HMCN1: variants seen among roughly 807,000 people sequenced by gnomAD.
The protein encoded by HMCN1 is hemicentin 1.
A neutral mutation model predicts 625.9 loss-of-function variants in HMCN1; 321 were observed. The observed-to-expected ratio is 0.51, with a 90% CI of 0.47 to 0.56. The LOEUF is 0.56. Ranked by LOEUF, HMCN1 falls within the 20% of genes least tolerant of loss-of-function variation. HMCN1 has a pLI of 0.00. For missense variants in HMCN1, 6,588 were observed against 6,887.3 expected (o/e 0.96, Z 1.54); for synonymous variants, 2,425 against 2,417.6 (o/e 1.00, Z -0.09).
intron 68 of HMCN1, among the ~76,000 whole-genome samples, chr1:186,102,728 T>G (rs1363655299): frequency 2.0e-5 from 3 of 152,122 alleles, no homozygotes; most frequent in Non-Finnish European, 4.4e-5. Context: ...GGCTGCCTTG[T>G]CAAATAGTAA....
At chr1:186,154,116 T>C in intron 97 of HMCN1, 129 bp downstream of exon 97, 1 of 772,262 alleles carries the variant, frequency 1.3e-6, no homozygotes, top group Non-Finnish European at 2.2e-6. Flanking sequence ...GTCTATGCCT[T>C]TTTGTTAAGT....
At chr1:185,871,070 A>C (rs1195755592) in intron 4 of HMCN1, among the ~76,000 whole-genome samples, 1 of 152,102 alleles carries the variant, frequency 6.6e-6, no homozygotes, top group Non-Finnish European at 1.5e-5. Context: ...TCTCTACTAA[A>C]ATACAAAAAT....
chr1:185,878,888 C>T (rs921898742), intron 4 of HMCN1, among the ~76,000 whole-genome samples: 4 of 152,148 alleles, frequency 2.6e-5, no homozygotes, highest in East Asian at 3.9e-4. Flanking sequence ...AGCCATCATC[C>T]TATGTTCAGA....
intron 100 of HMCN1, 131 bp downstream of exon 100, chr1:186,167,073 A>C: frequency 7.0e-6 from 8 of 1,149,064 alleles, no homozygotes; most frequent in South Asian, 5.1e-5. Flanking sequence ...GAATGAGGAG[A>C]TATCCAGCAA....
intron 11 of HMCN1, among the ~76,000 whole-genome samples, chr1:185,946,071 G>A (rs778092707): frequency 1.3e-5 from 2 of 152,196 alleles, no homozygotes; most frequent in African/African-American, 2.4e-5. Flanking sequence ...TGAAGTTGAA[G>A]GAAGAAGTGT....
rs191166110 is a variant in HMCN1, at chr1:186,005,362, T to G, written c.4475+1518T>G. 5.8e-3 allele frequency among the ~76,000 whole-genome samples: 698 copies of G among 120,720 alleles called. 26 individuals are homozygous for G. Among genetic ancestry groups the G allele is most frequent in the Middle Eastern group, 0.027 (4 of 150 alleles). The allele number at this position is 120,720 out of a possible 152,430, so 79.2% of individuals were successfully genotyped here. On this transcript the variant is annotated intron_variant, in intron 29 of 106. Transcript: ENST00000271588. The stretch of plus-strand genomic sequence containing the variant: ...ATTGTTTATAAATGTTTATAAACAA[T>G]TTTTTAATTGTTTATAAATGTTTAT...
At chr1:185,776,069 A>G (rs1444377280) in intron 1 of HMCN1, among the ~76,000 whole-genome samples, 1 of 152,224 alleles carries the variant, frequency 6.6e-6, no homozygotes, top group Non-Finnish European at 1.5e-5. Flanking sequence ...CATGGCTCAG[A>G]GCATACAGTT....
chr1:186,015,887 C>T (rs1654333597), intron 31 of HMCN1, 71 bp from the exon 32 acceptor site: 1 of 1,410,004 alleles, frequency 7.1e-7, no homozygotes, highest in East Asian at 2.3e-5. Flanking sequence ...AAAAGCTCTT[C>T]TTTATTTCAT....
rs577435610 is a variant in HMCN1, at chr1:186,070,651, G to C, written c.8033G>C (p.Gly2678Ala). Residue 2678 changes from glycine to alanine, a missense_variant, in exon 52 of 107, where the codon GGT (glycine) becomes GCT (alanine). By Grantham distance (60) the Gly-to-Ala change is moderately conservative. Around this residue, in one of 3 missense-constraint regions of HMCN1, gnomAD observed 4,628 missense variants for 4,853.1 expected, o/e 0.95. Coordinates refer to ENST00000271588, the MANE Select transcript of HMCN1 (RefSeq NM_031935.3). Reference protein sequence around the residue: ...IINKGDLWGPGLSPKEVKIKV... With the variant: ...IINKGDLWGPALSPKEVKIKV... ...AATAAAGGGGACCTTTGGGGGCCAG[G>C]TCTTTCCCCTAAAGAAGTGAAGATC... 2.5e-5 allele frequency: 40 copies of C among 1,613,080 alleles called. No homozygotes were observed. In the East Asian group the frequency reaches 8.0e-4, roughly 32 times the overall value.
In HMCN1 at chr1:186,019,677, T is replaced by G. The variant is rs763357638; in HGVS notation, c.5607T>G (p.Thr1869=). Reference sequence around the variant, plus strand: ...TAAAAGATGACCAGCCTGTGAACACTGCCCAAGGAAACCTTAAAGTAAGTG... The same window carrying G: ...TAAAAGATGACCAGCCTGTGAACACGGCCCAAGGAAACCTTAAAGTAAGTG... ...TWLKDDQPVN[T]AQGNLKIQSS... The change falls in exon 35 of 107, where the codon ACT becomes ACG. Residue 1869 remains threonine, a synonymous_variant. Transcript: ENST00000271588. 5.0e-6 allele frequency: 8 copies of G among 1,612,012 alleles called. No individual in the cohort carries two copies. The East Asian group carries it at 1.8e-4, about 36-fold the overall frequency.
chr1:186,065,620 T>C (rs945386209), intron 49 of HMCN1, among the ~76,000 whole-genome samples, 191 bp downstream of exon 49: 7 of 152,238 alleles, frequency 4.6e-5, no homozygotes, highest in Non-Finnish European at 1.0e-4. Flanking sequence ...GAATACCTAC[T>C]ATGTTCTAGG....
At chr1:185,965,984 T>TGAGGCCGGGCGCGGTGGC in intron 14 of HMCN1, 69 bp downstream of exon 14, 2 of 1,027,102 alleles carry the variant, frequency 1.9e-6, no homozygotes, top group Admixed American at 1.7e-5. Context: ...AAATGATTTG[T>TGAGGCCGGGCGCGGTGGC]TAAAACTTTG....
chr1:185,755,415 A>G (rs1212331034), intron 1 of HMCN1, among the ~76,000 whole-genome samples: 1 of 152,132 alleles, frequency 6.6e-6, no homozygotes, highest in African/African-American at 2.4e-5. Flanking sequence ...TGGCTCAGGG[A>G]TGTCTAGACC....
intron 37 of HMCN1, 139 bp downstream of exon 37, chr1:186,038,174 A>G (rs771405456): frequency 6.8e-5 from 45 of 659,324 alleles, no homozygotes; most frequent in Non-Finnish European, 1.2e-4. Flanking sequence ...ATTGATAAGA[A>G]TATTATTAGA....
chr1:186,178,826 G>A, intron 104 of HMCN1, 60 bp downstream of exon 104: 4 of 1,107,550 alleles, frequency 3.6e-6, no homozygotes, highest in Non-Finnish European at 5.6e-6. Flanking sequence ...CAAAGTATGT[G>A]TACAGCACCT....
At chr1:186,001,472 T>G in intron 27 of HMCN1, 44 bp downstream of exon 27, 2 of 1,608,258 alleles carry the variant, frequency 1.2e-6, no homozygotes, top group South Asian at 2.2e-5. Flanking sequence ...TGCCTCTGCA[T>G]CTGAAGTAGG....
At chr1:185,768,839 A>T (rs922897531) in intron 1 of HMCN1, among the ~76,000 whole-genome samples, 1 of 152,228 alleles carries the variant, frequency 6.6e-6, no homozygotes, top group East Asian at 1.9e-4. Context: ...ATCAGAAGAC[A>T]TGAAGTTAAG....
chr1:186,114,681 G>T, intron 73 of HMCN1, 138 bp from the exon 74 acceptor site: 1 of 959,062 alleles, frequency 1.0e-6, no homozygotes, highest in Non-Finnish European at 1.7e-6. Context: ...TTCCACCAAG[G>T]GTATCATAAA....
intron 4 of HMCN1, among the ~76,000 whole-genome samples, chr1:185,896,440 G>C (rs768944802): frequency 6.6e-6 from 1 of 152,040 alleles, no homozygotes; most frequent in Non-Finnish European, 1.5e-5. Flanking sequence ...TATACGTATG[G>C]AAAGAAAGAC....
Sources: gnomAD v4.1 joint callset for allele counts (sites outside exome capture counted in the v4.1 genomes callset) on GRCh38, gnomAD v4.1.1 for gene constraint, gnomAD v4.1.1 regional missense constraint, MANE v1.5 for transcripts, NCBI Gene and HGNC (gene_info 2026-07-23, HGNC 2026-07-21) for gene names.